Variants in RORA observed in about 807,000 individuals in gnomAD.
RORA encodes the protein RAR related orphan receptor A.
In RORA, 7 loss-of-function variants were observed where a neutral mutation model predicts 69.5. That is an observed-to-expected ratio of 0.10 (90% CI 0.06 to 0.19). RORA has a LOEUF of 0.19. RORA is among the 10% of genes least tolerant of loss of function. The pLI, the probability that RORA is intolerant of heterozygous loss-of-function variation, is 1.00. For missense variants in RORA, 457 were observed against 663.0 expected, an observed-to-expected ratio of 0.69 and a Z score of 3.41; for synonymous variants, 261 against 240.8, an observed-to-expected ratio of 1.08 and a Z score of -0.78.
chr15:61,110,948 T>C (rs1293662739), intron 1 of RORA, among the ~76,000 whole-genome samples: 1 of 152,246 alleles, frequency 6.6e-6, no homozygotes, highest in Non-Finnish European at 1.5e-5. Flanking sequence ...AGTTGTTTGT[T>C]TCCTTGTGTC....
chr15:60,605,787 A>C (rs1310807212), intron 2 of RORA, among the ~76,000 whole-genome samples: 1 of 152,212 alleles, frequency 6.6e-6, no homozygotes, highest in African/African-American at 2.4e-5. Context: ...CCTAACTTAC[A>C]TTTATATTAA....
intron 1 of RORA, among the ~76,000 whole-genome samples, chr15:60,780,058 G>C (rs1474165164): frequency 6.6e-6 from 1 of 152,210 alleles, no homozygotes; most frequent in African/African-American, 2.4e-5. Flanking sequence ...TGTGACATGT[G>C]TCTGTTAGGT....
intron 2 of RORA, chr15:60,547,901 C>T (rs1356898531): frequency 6.6e-6 from 1 of 152,108 alleles, no homozygotes; most frequent in Non-Finnish European, 1.5e-5. Context: ...AAGTATACCT[C>T]CTAGTACGTT....
intron 1 of RORA, among the ~76,000 whole-genome samples, chr15:60,959,657 T>C (rs1893360793): frequency 1.3e-5 from 2 of 152,178 alleles, no homozygotes; most frequent in South Asian, 4.1e-4. Context: ...GACATATTAG[T>C]GTCCTTCAAG....
At chr15:61,076,478 T>A (rs1486737752) in intron 1 of RORA, among the ~76,000 whole-genome samples, 1 of 152,038 alleles carries the variant, frequency 6.6e-6, no homozygotes, top group Non-Finnish European at 1.5e-5. Flanking sequence ...TTAAAGTCCC[T>A]GCCTTCCAGG....
intron 1 of RORA, among the ~76,000 whole-genome samples, chr15:60,904,772 C>T (rs1037510250): frequency 4.6e-5 from 7 of 152,064 alleles, no homozygotes; most frequent in African/African-American, 1.7e-4. Flanking sequence ...TATCCTGTCA[C>T]GGTAATGAAC....
At chr15:60,691,363 G>A (rs530332872) in intron 1 of RORA, among the ~76,000 whole-genome samples, 1 of 152,264 alleles carries the variant, frequency 6.6e-6, no homozygotes, top group Non-Finnish European at 1.5e-5. Flanking sequence ...TTGAAGCAGG[G>A]ACTTCCCATC....
intron 1 of RORA, among the ~76,000 whole-genome samples, chr15:60,967,013 G>A (rs1228108116): frequency 6.6e-6 from 1 of 152,146 alleles, no homozygotes; most frequent in Non-Finnish European, 1.5e-5. Context: ...CTAAAGCAGT[G>A]CATTACCCAA....
chr15:60,761,864 G>A (rs1009295814), intron 1 of RORA, among the ~76,000 whole-genome samples: 6 of 151,962 alleles, frequency 3.9e-5, no homozygotes, highest in African/African-American at 1.2e-4. Flanking sequence ...AGGAGGGTGT[G>A]TGATTCTATT....
In RORA at chr15:60,582,184, G is replaced by C. The variant is rs145363065; in HGVS notation, c.197-50333C>G. Reference sequence around the variant, plus strand: ...TATTAATATTAATGAAAACTTGCTTGTTCTTAAATTTATTTAAATAGCATA... The same window carrying C: ...TATTAATATTAATGAAAACTTGCTTCTTCTTAAATTTATTTAAATAGCATA... On this transcript the variant is annotated intron_variant, in intron 2 of 10. Coordinates refer to ENST00000335670, the MANE Select transcript of RORA (RefSeq NM_134261.3). Among the ~76,000 whole-genome samples the C allele has an allele frequency of 6.6e-3, 1,011 of 152,212 alleles. 8 individuals are homozygous for C. Among genetic ancestry groups the C allele is most frequent in the Non-Finnish European group, 0.01 (696 of 68,002 alleles).
At chr15:60,894,964 G>C (rs1028291393) in intron 1 of RORA, among the ~76,000 whole-genome samples, 2 of 152,192 alleles carry the variant, frequency 1.3e-5, no homozygotes, top group Non-Finnish European at 2.9e-5. Flanking sequence ...GGTAAGCAGT[G>C]TCCTCCAGCT....
intron 1 of RORA, among the ~76,000 whole-genome samples, chr15:60,748,656 T>C (rs1383408302): frequency 1.3e-5 from 2 of 152,230 alleles, no homozygotes; most frequent in Non-Finnish European, 1.5e-5. Context: ...CTGGTTCTCC[T>C]TCTAGGCCTC....
chr15:60,890,341 C>A (rs1008405610), intron 1 of RORA, among the ~76,000 whole-genome samples: 1 of 152,168 alleles, frequency 6.6e-6, no homozygotes, highest in Non-Finnish European at 1.5e-5. Flanking sequence ...TAACTACAGA[C>A]CACACCAACT....
chr15:60,666,346 CTTTTTTTT>C (rs1161494532), intron 2 of RORA, among the ~76,000 whole-genome samples: 48 of 132,444 alleles, frequency 3.6e-4, no homozygotes, highest in Non-Finnish European at 6.6e-4. Context: ...TAATTTCTTT[CTTTTTTTT>C]TTTTTTTTTT....
intron 1 of RORA, among the ~76,000 whole-genome samples, chr15:60,974,949 A>C (rs1388710682): frequency 2.6e-5 from 4 of 152,222 alleles, no homozygotes; most frequent in African/African-American, 9.6e-5. Flanking sequence ...GGCAAGCAAC[A>C]CTGTTCGGCT....
At chr15:60,593,096 G>C (rs1001743450) in intron 2 of RORA, 4 of 342,000 alleles carry the variant, frequency 1.2e-5, no homozygotes, top group Non-Finnish European at 2.3e-5. Context: ...CCGGGGAGTG[G>C]AGTAAGCTCC....
intron 1 of RORA, among the ~76,000 whole-genome samples, chr15:61,189,647 G>A (rs1331776319): frequency 6.6e-6 from 1 of 152,030 alleles, no homozygotes; most frequent in Non-Finnish European, 1.5e-5. Context: ...CACGAGGTCA[G>A]GAGATCAAGA....
intron 1 of RORA, among the ~76,000 whole-genome samples, chr15:61,092,378 T>C (rs1330026829): frequency 2.6e-5 from 4 of 152,238 alleles, no homozygotes; most frequent in East Asian, 1.9e-4. Context: ...ATGAACGACA[T>C]TGCAGCTCCA....
chr15:60,506,255 C>T (rs1352766140), intron 5 of RORA, among the ~76,000 whole-genome samples: 1 of 152,040 alleles, frequency 6.6e-6, no homozygotes, highest in African/African-American at 2.4e-5. Flanking sequence ...TGCTTGGTTT[C>T]CTCATTTGTA....
Sources: gnomAD v4.1 joint callset for allele counts (sites outside exome capture counted in the v4.1 genomes callset) on GRCh38, gnomAD v4.1.1 for gene constraint, MANE v1.5 for transcripts, NCBI Gene and HGNC (gene_info 2026-07-23, HGNC 2026-07-21) for gene names.